The following ABCB11 variants were observed in gnomAD, a reference collection of about 807,000 sequenced individuals.
ABCB11 encodes the protein ATP binding cassette subfamily B member 11, also known as bile salt export pump.
Under a neutral mutation model 148.0 loss-of-function variants are expected in ABCB11, and 95 were observed. That is an observed-to-expected ratio of 0.64 (90% CI 0.54 to 0.76). The LOEUF (loss-of-function observed/expected upper bound fraction) is 0.76, where lower values mean the gene tolerates loss of function less well. Ranked by LOEUF, ABCB11 falls within the 30% of genes least tolerant of loss-of-function variation. The probability of loss-of-function intolerance (pLI) is 0.00; values close to 1 mark genes in which losing one functional copy is unlikely to be tolerated. For synonymous variants in ABCB11, 591 were observed against 555.4 expected (o/e 1.06, Z -0.90); for missense variants, 1,523 against 1,617.8 (o/e 0.94, Z 1.01).
Position 169,018,048 on chromosome 2 carries a change from A to G in ABCB11, c.76+2T>C. The G allele has an allele frequency of 6.2e-7, 1 of 1,611,958 alleles. No individual in the cohort carries two copies. The highest frequency in any genetic ancestry group is 1.1e-5 in the South Asian group (1 of 91,050). On this transcript the variant is annotated splice_donor_variant, in intron 2 of 27. Coordinates refer to ENST00000650372, the MANE Select transcript of ABCB11 (RefSeq NM_003742.4). LOFTEE classifies it high-confidence loss of function. Reference sequence around the variant, plus strand: ...ATGCAGTGAGGGAAAAAAGCCACTCACATGATTTATCTGACTCAAAACCAT... The same window carrying G: ...ATGCAGTGAGGGAAAAAAGCCACTCGCATGATTTATCTGACTCAAAACCAT...
At position 168,973,712 on chromosome 2, in the gene ABCB11, C is replaced by A; in HGVS notation, c.1434+3G>T. 4 of 1,611,340 alleles carry A rather than the reference C, an allele frequency of 2.5e-6. No individual in the cohort carries two copies. Among genetic ancestry groups the A allele is most frequent in the African/African-American group, 1.3e-5 (1 of 74,884 alleles). On this transcript the variant is annotated splice_donor_region_variant and intron_variant, in intron 13 of 27. Transcript: ENST00000650372. ...TATTGAGGAGTTTCTGGAAGACACC[C>A]ACCATTCCTTCACAGGGGTCATAGA... is the stretch of plus-strand genomic sequence containing the variant.
rs1333247423 is a variant in ABCB11, at chr2:168,959,820, T to C, written c.2179-1692A>G. Among the ~76,000 whole-genome samples the C allele has an allele frequency of 2.7e-5, 4 of 149,708 alleles. No homozygotes were observed. In the Admixed American group the frequency reaches 2.7e-4, roughly 10 times the overall value. On this transcript the variant is annotated intron_variant, in intron 18 of 27. Coordinates refer to ENST00000650372, the MANE Select transcript of ABCB11 (RefSeq NM_003742.4). ...TGCATTGCCTTGTGGGAACTGGGGG[T>C]TGGGTTGGGGAGCCAGTGCAAATGC... is the stretch of plus-strand genomic sequence containing the variant.
At chr2:168,924,516 G>T in intron 27 of ABCB11, 141 bp downstream of exon 27, 2 of 685,376 alleles carry the variant, frequency 2.9e-6, no homozygotes, top group Non-Finnish European at 4.6e-6. Context: ...CTAGATAATT[G>T]TCTTTTGGTT....
intron 10 of ABCB11, among the ~76,000 whole-genome samples, chr2:168,983,428 C>G (rs532314797): frequency 6.6e-5 from 10 of 152,230 alleles, no homozygotes; most frequent in Non-Finnish European, 1.2e-4. Context: ...AAAACTGTAT[C>G]TAAGTTGTTA....
At chr2:169,029,620 C>T (rs1032832448) in intron 1 of ABCB11, among the ~76,000 whole-genome samples, 2 of 151,686 alleles carry the variant, frequency 1.3e-5, no homozygotes, top group African/African-American at 4.8e-5. Flanking sequence ...TCAGAGGCAC[C>T]GTTGAGGTAG....
chr2:169,016,979 TACAC>T lies in ABCB11; in HGVS notation c.77-184_77-181del, dbSNP rs71397686. 0.061 allele frequency among the ~76,000 whole-genome samples: 8,446 copies of T among 138,024 alleles called. 304 individuals carry two copies. Among genetic ancestry groups the T allele is most frequent in the African/African-American group, 0.11 (4,004 of 36,646 alleles). The allele number at this position is 138,024 out of a possible 152,430, so 90.5% of individuals were successfully genotyped here. A position where few individuals can be genotyped will look rare whatever the true frequency, so the allele number is the denominator to read the frequency against. Reference sequence around the variant, plus strand: ...CTCATATTGTCTCTCTCTATCTTTCTACACACACACACACACACACACACACACA... The same window carrying T: ...CTCATATTGTCTCTCTCTATCTTTCTACACACACACACACACACACACACA... On this transcript the variant is annotated intron_variant, in intron 2 of 27. Coordinates refer to ENST00000650372, the MANE Select transcript of ABCB11 (RefSeq NM_003742.4).
chr2:168,961,477 C>T lies in ABCB11; in HGVS notation c.2178+2729G>A, dbSNP rs188254592. On this transcript the variant is annotated intron_variant, in intron 18 of 27. Coordinates refer to ENST00000650372, the MANE Select transcript of ABCB11 (RefSeq NM_003742.4). ...TCTTATCTTAACCAATGCCTAAATC[C>T]TATCACATAAGTTATCTGTGATGCA... 3.0e-3 allele frequency among the ~76,000 whole-genome samples: 451 copies of T among 151,792 alleles called. 5 individuals carry two copies. The highest frequency in any genetic ancestry group is 3.9e-3 in the Non-Finnish European group (264 of 67,764).
At chr2:168,985,471 C>T (rs1694285940) in intron 10 of ABCB11, among the ~76,000 whole-genome samples, 1 of 152,048 alleles carries the variant, frequency 6.6e-6, no homozygotes, top group African/African-American at 2.4e-5. Flanking sequence ...GCACAATTTA[C>T]AATTGCAAAA....
chr2:169,000,838 G>T (rs1694848780), intron 5 of ABCB11, among the ~76,000 whole-genome samples: 2 of 151,310 alleles, frequency 1.3e-5, no homozygotes, highest in Non-Finnish European at 2.9e-5. Context: ...GATATATTAG[G>T]GCTTAAATAT....
rs946006266 is a variant in ABCB11 at position 168,922,771 on chromosome 2, T to C, written c.*851A>G. On this transcript the variant is annotated 3_prime_UTR_variant, in exon 28 of 28. Coordinates refer to ENST00000650372, the MANE Select transcript of ABCB11 (RefSeq NM_003742.4). ...TGCCATATTTACTTGCTTTTTTGTATAAAACCTTATGAAACTACAGCAAAG... is the reference window on the plus strand; with the variant it reads ...TGCCATATTTACTTGCTTTTTTGTACAAAACCTTATGAAACTACAGCAAAG... 6.6e-6 allele frequency among the ~76,000 whole-genome samples: 1 copy of C among 152,184 alleles called. No individual in the cohort carries two copies. The highest frequency in any genetic ancestry group is 6.5e-5 in the Admixed American group (1 of 15,278).
At chr2:168,938,390 A>G (rs1238787521) in intron 21 of ABCB11, among the ~76,000 whole-genome samples, 3 of 152,248 alleles carry the variant, frequency 2.0e-5, no homozygotes, top group African/African-American at 7.2e-5. Context: ...AAACTTCAAA[A>G]ACATCATGTT....
chr2:168,955,694 C>T (rs570072636), intron 19 of ABCB11, among the ~76,000 whole-genome samples: 15 of 151,750 alleles, frequency 9.9e-5, no homozygotes, highest in African/African-American at 3.6e-4. Flanking sequence ...GTCATGCCTT[C>T]TCAACAGTCC....
chr2:169,029,724 C>CTTT (rs1166356679), intron 1 of ABCB11, among the ~76,000 whole-genome samples: 1,582 of 88,238 alleles, frequency 0.018, 189 homozygotes, highest in East Asian at 0.026. Flanking sequence ...GTTCTTTCCT[C>CTTT]TTTTTTTTTT....
intron 19 of ABCB11, among the ~76,000 whole-genome samples, chr2:168,945,470 G>C (rs1224111584): frequency 3.3e-5 from 5 of 151,702 alleles, no homozygotes; most frequent in African/African-American, 7.3e-5. Flanking sequence ...AATTGTGTTG[G>C]TTTTTCATCA....
intron 10 of ABCB11, among the ~76,000 whole-genome samples, chr2:168,980,553 T>TTA (rs1164095627): frequency 5.9e-5 from 9 of 152,196 alleles, no homozygotes; most frequent in Non-Finnish European, 1.3e-4. Flanking sequence ...TTTATCTGTA[T>TTA]TATTTCATTT....
chr2:168,982,409 AC>A (rs1558906899), intron 10 of ABCB11, among the ~76,000 whole-genome samples: 1 of 152,126 alleles, frequency 6.6e-6, no homozygotes, highest in Non-Finnish European at 1.5e-5. Flanking sequence ...AGTGCTTGAC[AC>A]TTTGTATATA....
chr2:168,997,738 T>C (rs1476876836), intron 5 of ABCB11, among the ~76,000 whole-genome samples: 1 of 152,044 alleles, frequency 6.6e-6, no homozygotes, highest in South Asian at 2.1e-4. Context: ...AGGTCAAGCA[T>C]TGCAACATAA....
intron 3 of ABCB11, among the ~76,000 whole-genome samples, chr2:169,015,220 C>G (rs1207322980): frequency 2.0e-5 from 3 of 152,262 alleles, no homozygotes; most frequent in Non-Finnish European, 4.4e-5. Context: ...TCTACATCAT[C>G]CTTGTAAACT....
intron 9 of ABCB11, among the ~76,000 whole-genome samples, chr2:168,989,341 G>A (rs1694435797): frequency 1.3e-5 from 2 of 152,072 alleles, no homozygotes; most frequent in South Asian, 4.1e-4. Context: ...TCTTCTGCAT[G>A]TGGATATCCA....
Sources: gnomAD v4.1 joint callset for allele counts (sites outside exome capture counted in the v4.1 genomes callset) on GRCh38, gnomAD v4.1.1 for gene constraint, MANE v1.5 for transcripts, NCBI Gene and HGNC (gene_info 2026-07-23, HGNC 2026-07-21) for gene names.